The following SHPRH variants were observed in gnomAD, a reference collection of about 807,000 sequenced individuals.
The protein encoded by SHPRH is E3 ubiquitin-protein ligase SHPRH.
SHPRH carries 106 observed loss-of-function variants against 202.5 expected under a neutral mutation model. That is an observed-to-expected ratio of 0.52 (90% CI 0.45 to 0.62). SHPRH has a LOEUF of 0.62. Among genes scored for constraint, SHPRH ranks in the 20% least tolerant of loss-of-function variants. SHPRH has a pLI of 0.00. For missense variants in SHPRH, 1,710 were observed against 2,020.0 expected (o/e 0.85, Z 2.94); for synonymous variants, 729 against 686.0 (o/e 1.06, Z -0.98).
chr6:145,961,206 G>A (rs1789057717), intron 1 of SHPRH, among the ~76,000 whole-genome samples: 1 of 152,170 alleles, frequency 6.6e-6, no homozygotes, highest in African/African-American at 2.4e-5. Context: ...GGGGACCACA[G>A]ATTAGTGCTT....
chr6:145,943,293 C>T lies in SHPRH; in HGVS notation c.2088G>A (p.Leu696=), dbSNP rs768400467. ...GGGGGCAGTAAAAAGGCTTGATCTT[C>T]AGATTTTTCTCATCATAATTCACAC... ...AKCVNYDEKN[L]KIKPFYCPHC... is the part of the protein sequence containing the mutation. Residue 696 remains leucine (L), a synonymous_variant, in exon 9 of 30, where the codon CTG becomes CTA. Transcript: ENST00000275233. 3.7e-6 allele frequency: 6 copies of T among 1,613,756 alleles called. No individual in the cohort carries two copies. The South Asian group carries it at 6.6e-5, about 18-fold the overall frequency.
chr6:145,928,398 G>A (rs1785094601), intron 14 of SHPRH, among the ~76,000 whole-genome samples: 1 of 140,328 alleles, frequency 7.1e-6, no homozygotes, highest in Admixed American at 6.9e-5. Flanking sequence ...ACCAAAAAAA[G>A]GTACAAGATG....
intron 11 of SHPRH, among the ~76,000 whole-genome samples, chr6:145,937,035 G>A (rs1265371797): frequency 6.7e-6 from 1 of 149,414 alleles, no homozygotes; most frequent in Admixed American, 6.7e-5. Context: ...CCAGGCTGGA[G>A]GGCAACGGTG....
intron 6 of SHPRH, 36 bp from the exon 7 acceptor site, chr6:145,946,377 T>C: frequency 1.3e-6 from 2 of 1,487,828 alleles, no homozygotes; most frequent in Non-Finnish European, 1.8e-6. Context: ...ACACAGTGTT[T>C]TGCTTTCAGT....
downstream of SHPRH, among the ~76,000 whole-genome samples, chr6:145,860,887 T>C (rs941397206): frequency 6.6e-6 from 1 of 151,944 alleles, no homozygotes; most frequent in Admixed American, 6.6e-5. Context: ...GCCAAGAATA[T>C]ACAATGAGGA....
chr6:145,939,530 T>TC (rs1467374558), intron 11 of SHPRH, among the ~76,000 whole-genome samples: 1 of 152,164 alleles, frequency 6.6e-6, no homozygotes, highest in Non-Finnish European at 1.5e-5. Context: ...TCATACTCTC[T>TC]CAACATTAAA....
At chr6:145,939,159 C>T (rs1786454671) in intron 11 of SHPRH, among the ~76,000 whole-genome samples, 1 of 151,524 alleles carries the variant, frequency 6.6e-6, no homozygotes, top group Non-Finnish European at 1.5e-5. Flanking sequence ...CCTAGTGTGA[C>T]AACTAGAAAA....
rs748501621 is a variant in SHPRH at position 145,943,620 on chromosome 6, T to C, written c.1761A>G (p.Gly587=). ...CGGGATTGATAAATGGTTGACTTTTTCCTTTTTTTGTGGATGGAACAAGCT... is the reference window on the plus strand; with the variant it reads ...CGGGATTGATAAATGGTTGACTTTTCCCTTTTTTTGTGGATGGAACAAGCT... ...RKKLVPSTKK[G]KSQPFINPDS... The change falls in exon 9 of 30, where the codon GGA becomes GGG. Residue 587 remains glycine (G), a synonymous_variant. Coordinates refer to ENST00000275233, the MANE Select transcript of SHPRH (RefSeq NM_001042683.3). 6.2e-7 allele frequency: 1 copy of C among 1,613,916 alleles called. No homozygotes were observed.
intron 2 of SHPRH, among the ~76,000 whole-genome samples, chr6:145,876,503 T>C (rs1780311418): frequency 6.6e-6 from 1 of 152,228 alleles, no homozygotes; most frequent in African/African-American, 2.4e-5. Flanking sequence ...TGTATAAGTA[T>C]TTCATTTCTT....
rs759072659 is a variant in SHPRH at position 145,933,692 on chromosome 6, A to AT, written c.2991-515dup. Among the ~76,000 whole-genome samples, 18 of 152,342 alleles carry AT rather than the reference A, an allele frequency of 1.2e-4. No homozygotes were observed. The East Asian group carries it at 3.5e-3, about 29-fold the overall frequency. On this transcript the variant is annotated intron_variant, in intron 13 of 29. Coordinates refer to ENST00000275233, the MANE Select transcript of SHPRH (RefSeq NM_001042683.3). ...TTTTGAAATTTACTATGTTCACTTCATATTTTAGAAATCTATAATTTTCAT... is the reference window on the plus strand; with the variant it reads ...TTTTGAAATTTACTATGTTCACTTCATTATTTTAGAAATCTATAATTTTCAT...
intron 22 of SHPRH, 36 bp downstream of exon 22, chr6:145,919,312 T>C (rs1784224051): frequency 6.2e-7 from 1 of 1,610,802 alleles, no homozygotes; most frequent in African/African-American, 1.3e-5. Context: ...GACATCTGCT[T>C]GCTGTTCCCT....
chr6:145,930,722 T>C (rs1184282206), intron 14 of SHPRH, among the ~76,000 whole-genome samples: 1 of 152,210 alleles, frequency 6.6e-6, no homozygotes, highest in Non-Finnish European at 1.5e-5. Context: ...TAAACACTGA[T>C]TAGGTCAACT....
At chr6:145,909,471 T>C (rs1008102087) in intron 25 of SHPRH, 4 of 152,064 alleles carry the variant, frequency 2.6e-5, no homozygotes, top group African/African-American at 9.7e-5. Context: ...TTTACTCAAA[T>C]AACAGTGAAA....
chr6:145,918,189 G>T lies in SHPRH; in HGVS notation c.4196C>A (p.Ala1399Asp), dbSNP rs1311029527. The T allele has an allele frequency of 6.2e-7, 1 of 1,603,126 alleles. No homozygotes were observed. Among genetic ancestry groups the T allele is most frequent in the African/African-American group, 1.3e-5 (1 of 74,282 alleles). Reference protein sequence around the residue: ...RIKLLNDKAVATSQLQKKLGQ... With the variant: ...RIKLLNDKAVDTSQLQKKLGQ... ...AAGTTTTTTCTGAAGCTGTGATGTA[G>T]CAACAGCTTTATCATTTAGTAGTTT... is the stretch of plus-strand genomic sequence containing the variant. The change falls in exon 23 of 30, where the codon GCT becomes GAT. Residue 1399 changes from alanine (A) to aspartate (D), a missense_variant. Physicochemically the swap from Ala to Asp is moderately radical, Grantham distance 126 (BLOSUM62 -2). Coordinates refer to ENST00000275233, the MANE Select transcript of SHPRH (RefSeq NM_001042683.3).
At position 145,933,056 on chromosome 6, in the gene SHPRH, C is replaced by T. The variant is rs1280578062; in HGVS notation, c.3112+1G>A. On this transcript the variant is annotated splice_donor_variant, in intron 14 of 29. Coordinates refer to ENST00000275233, the MANE Select transcript of SHPRH (RefSeq NM_001042683.3). LOFTEE classifies it high-confidence loss of function. ...TCAGAGATAAAGCAATCACCTTCTA[C>T]CTTTAATAATATGAATGCCTGCTAA... is the stretch of plus-strand genomic sequence containing the variant. 1 of 1,613,252 alleles carries T rather than the reference C, an allele frequency of 6.2e-7. No homozygotes were observed.
chr6:145,950,924 C>A (rs1218350375), intron 3 of SHPRH, among the ~76,000 whole-genome samples: 2 of 152,044 alleles, frequency 1.3e-5, no homozygotes, highest in Non-Finnish European at 2.9e-5. Context: ...AATGTGAATA[C>A]TGTTTGAAGT....
chr6:145,879,875 G>A (rs1044189272), downstream of SHPRH, among the ~76,000 whole-genome samples: 9 of 129,454 alleles, frequency 7.0e-5, no homozygotes, highest in Non-Finnish European at 1.1e-4. Context: ...TCGCACCATT[G>A]CACTCCAGCC....
intron 14 of SHPRH, among the ~76,000 whole-genome samples, chr6:145,929,149 A>G (rs1241432582): frequency 2.0e-5 from 3 of 151,874 alleles, no homozygotes; most frequent in Admixed American, 2.0e-4. Context: ...TTAAAAAGAC[A>G]TGCTTTCTGA....
intron 2 of SHPRH, among the ~76,000 whole-genome samples, chr6:145,867,599 A>AATATATATATATATATATAT (rs374395571): frequency 4.2e-4 from 9 of 21,594 alleles, no homozygotes; most frequent in Non-Finnish European, 6.3e-4. Context: ...TTCAAAAAAG[A>AATATATATATATATATATAT]ATATATATAT....
Sources: gnomAD v4.1 joint callset for allele counts (sites outside exome capture counted in the v4.1 genomes callset) on GRCh38, gnomAD v4.1.1 for gene constraint, MANE v1.5 for transcripts, NCBI Gene and HGNC (gene_info 2026-07-23, HGNC 2026-07-21) for gene names.